NEO1: variants seen among roughly 807,000 people sequenced by gnomAD.
NEO1 encodes the protein neogenin 1, also known as neogenin.
A neutral mutation model predicts 159.7 loss-of-function variants in NEO1; 63 were observed. That is an observed-to-expected ratio of 0.39 (90% confidence interval 0.32 to 0.49). The LOEUF (loss-of-function observed/expected upper bound fraction) is 0.49, where lower values mean the gene tolerates loss of function less well. NEO1 is among the 20% of genes least tolerant of loss of function. The pLI is 0.85. For missense variants in NEO1, 1,615 were observed against 1,831.0 expected (o/e 0.88, Z 2.15); for synonymous variants, 633 against 662.0 (o/e 0.96, Z 0.67).
intron 5 of NEO1, among the ~76,000 whole-genome samples, chr15:73,145,576 A>G (rs540214267): frequency 2.6e-5 from 4 of 152,340 alleles, no homozygotes; most frequent in South Asian, 2.1e-4. Context: ...CTACCTATGT[A>G]TCAGAATACA....
At chr15:73,063,294 A>T (rs35284358) in intron 1 of NEO1, among the ~76,000 whole-genome samples, 2,769 of 152,046 alleles carry the variant, frequency 0.018, 40 homozygotes, top group Non-Finnish European at 0.028. Flanking sequence ...TATCATAACC[A>T]CCCACTCTAC....
In NEO1 at chr15:73,177,174, TTA is replaced by T. The variant is rs2035326881; in HGVS notation, c.1170+624_1170+625del. ...AGCCATAATTGCTTTTTACTATACT[TTA>T]TATATAGTAAATGATTCTTAGATAT... On this transcript the variant is annotated intron_variant, in intron 6 of 28. Coordinates refer to ENST00000261908, the MANE Select transcript of NEO1 (RefSeq NM_002499.4). Among the ~76,000 whole-genome samples, 3 of 152,098 alleles carry T rather than the reference TTA, an allele frequency of 2.0e-5. No individual in the cohort carries two copies. The South Asian group carries it at 6.2e-4, about 32-fold the overall frequency.
chr15:73,090,088 A>G (rs2151436906), intron 1 of NEO1, among the ~76,000 whole-genome samples: 1 of 152,376 alleles, frequency 6.6e-6, no homozygotes, highest in East Asian at 1.9e-4. Context: ...TAGCTGTTCA[A>G]AATAATGAGA....
chr15:73,077,161 A>C (rs1316553827), intron 1 of NEO1, among the ~76,000 whole-genome samples: 1 of 152,118 alleles, frequency 6.6e-6, no homozygotes, highest in Non-Finnish European at 1.5e-5. Flanking sequence ...CTCCTGCCTC[A>C]GCCTCCCGAG....
intron 7 of NEO1, among the ~76,000 whole-genome samples, chr15:73,194,947 T>C (rs780066034): frequency 6.6e-6 from 1 of 152,232 alleles, no homozygotes; most frequent in Non-Finnish European, 1.5e-5. Flanking sequence ...CTATAATGAA[T>C]GCTGTTTTTA....
intron 5 of NEO1, among the ~76,000 whole-genome samples, chr15:73,140,974 AATG>A (rs1329451013): frequency 3.3e-5 from 5 of 152,188 alleles, no homozygotes; most frequent in Admixed American, 2.0e-4. Context: ...ATCGTTACCG[AATG>A]TTGCACAGCC....
chr15:73,211,579 G>A (rs2037572207), intron 7 of NEO1, among the ~76,000 whole-genome samples: 2 of 152,186 alleles, frequency 1.3e-5, no homozygotes, highest in Non-Finnish European at 2.9e-5. Context: ...GCCAGGCGTG[G>A]TGGCACATGC....
At chr15:73,160,129 A>G (rs147514238) in intron 5 of NEO1, among the ~76,000 whole-genome samples, 34 of 152,110 alleles carry the variant, frequency 2.2e-4, no homozygotes, top group Admixed American at 1.8e-3. Flanking sequence ...TTTTTACTTC[A>G]TGATAGTTTT....
At chr15:73,066,827 G>A (rs1228390125) in intron 1 of NEO1, among the ~76,000 whole-genome samples, 2 of 152,150 alleles carry the variant, frequency 1.3e-5, no homozygotes, top group Non-Finnish European at 2.9e-5. Context: ...CTCTTCAGCA[G>A]TAGCCTTTAG....
chr15:73,136,671 C>G (rs993068654), intron 5 of NEO1, among the ~76,000 whole-genome samples: 2 of 152,136 alleles, frequency 1.3e-5, no homozygotes, highest in African/African-American at 4.8e-5. Flanking sequence ...TTCTCCTACT[C>G]TTCCCTTTTC....
intron 26 of NEO1, among the ~76,000 whole-genome samples, chr15:73,295,805 A>G (rs532239430): frequency 6.6e-6 from 1 of 152,276 alleles, no homozygotes; most frequent in African/African-American, 2.4e-5. Context: ...TCTCTGCTCT[A>G]AGGAGCATTC....
intron 7 of NEO1, among the ~76,000 whole-genome samples, chr15:73,178,885 A>G (rs904355304): frequency 6.6e-6 from 1 of 152,188 alleles, no homozygotes; most frequent in South Asian, 2.1e-4. Context: ...GGCACAAAAT[A>G]GTCAACATTC....
At chr15:73,273,736 G>T in intron 19 of NEO1, 75 bp from the exon 20 acceptor site, 1 of 982,144 alleles carries the variant, frequency 1.0e-6, no homozygotes, top group East Asian at 2.4e-5. Flanking sequence ...TGATATAATA[G>T]GTACTTATTG....
Position 73,302,510 on chromosome 15 carries a change from G to A in NEO1, c.4303-103G>A, listed in dbSNP as rs149434645. ...GCGTGTTAGTAGCCAGTTTTCTGGG[G>A]CCATTTGACTACTGACCACATGAGG... On this transcript the variant is annotated intron_variant, in intron 28 of 28. Transcript: ENST00000261908. The A allele has an allele frequency of 3.0e-4, 301 of 1,012,960 alleles. 1 individual carries two copies. The African/African-American group carries it at 4.5e-3, about 15-fold the overall frequency. The allele number at this position is 1,012,960 out of a possible 1,614,324, so 62.7% of individuals were successfully genotyped here.
At chr15:73,069,472 ATTAG>A (rs946623849) in intron 1 of NEO1, among the ~76,000 whole-genome samples, 2 of 151,720 alleles carry the variant, frequency 1.3e-5, no homozygotes, top group Non-Finnish European at 2.9e-5. Flanking sequence ...TTTTTAACCC[ATTAG>A]TTAGATTGTT....
intron 1 of NEO1, among the ~76,000 whole-genome samples, chr15:73,095,026 T>C (rs1361243464): frequency 1.3e-5 from 2 of 152,030 alleles, no homozygotes; most frequent in Non-Finnish European, 2.9e-5. Context: ...CTGGCCAACA[T>C]GGTGAAACCC....
At chr15:73,200,262 T>G (rs747497255) in intron 7 of NEO1, among the ~76,000 whole-genome samples, 4 of 152,130 alleles carry the variant, frequency 2.6e-5, no homozygotes, top group Non-Finnish European at 5.9e-5. Context: ...TATCCTTGTA[T>G]GAATTTTTGT....
chr15:73,270,501 A>G (rs1462040429), intron 18 of NEO1, 47 bp downstream of exon 18: 1 of 1,558,174 alleles, frequency 6.4e-7, no homozygotes. Context: ...TTACTTCCCA[A>G]GGAAAGAATT....
chr15:73,190,123 GTTA>G (rs1191483006), intron 7 of NEO1, among the ~76,000 whole-genome samples: 1 of 151,970 alleles, frequency 6.6e-6, no homozygotes, highest in Non-Finnish European at 1.5e-5. Flanking sequence ...CAGGTACATT[GTTA>G]TTATTATTTA....
Sources: gnomAD v4.1 joint callset for allele counts (sites outside exome capture counted in the v4.1 genomes callset) on GRCh38, gnomAD v4.1.1 for gene constraint, MANE v1.5 for transcripts, NCBI Gene and HGNC (gene_info 2026-07-23, HGNC 2026-07-21) for gene names.